The following PASD1 variants were observed in gnomAD, a reference collection of about 807,000 sequenced individuals.
PASD1 encodes PAS domain containing repressor 1.
Under a neutral mutation model 58.8 loss-of-function variants are expected in PASD1, and 13 were observed. The ratio of observed to expected loss-of-function variants is 0.22; its 90% CI spans 0.14 to 0.35. The LOEUF is 0.35. PASD1 is among the 10% of genes least tolerant of loss of function. The pLI is 1.00. For missense variants in PASD1, 734 were observed against 568.3 expected, an observed-to-expected ratio of 1.29 and a Z score of -2.96; for synonymous variants, 236 against 216.7, an observed-to-expected ratio of 1.09 and a Z score of -0.78.
chrX:151,660,716 A>G (rs1034732496), intron 10 of PASD1, among the ~76,000 whole-genome samples: 15 of 112,818 alleles, frequency 1.3e-4, no homozygotes, highest in Non-Finnish European at 9.4e-5. Flanking sequence ...AACCTTCCAC[A>G]GATGACTGTT....
chrX:151,653,342 C>G (rs1374779809), intron 9 of PASD1, among the ~76,000 whole-genome samples: 35 of 109,524 alleles, frequency 3.2e-4, no homozygotes, highest in Non-Finnish European at 1.9e-5. Context: ...CAGGCGCATG[C>G]CACCACACCT....
intron 1 of PASD1, among the ~76,000 whole-genome samples, chrX:151,600,666 T>A (rs1396699304): frequency 9.0e-6 from 1 of 110,870 alleles, no homozygotes; most frequent in Non-Finnish European, 1.9e-5. Context: ...TGGGTTATTT[T>A]TTATCCAATT....
intron 8 of PASD1, among the ~76,000 whole-genome samples, chrX:151,626,064 A>G (rs1362844957): frequency 8.9e-6 from 1 of 112,321 alleles, no homozygotes; most frequent in Non-Finnish European, 1.9e-5. Flanking sequence ...TTTATTTTTT[A>G]TTTTTTAAAA....
At chrX:151,641,424 C>T (rs1046194106) in intron 8 of PASD1, among the ~76,000 whole-genome samples, 1 of 111,843 alleles carries the variant, frequency 8.9e-6, no homozygotes. Context: ...AGAAACTCAA[C>T]ATTTTGTTTT....
rs1381733186 is a variant in PASD1, at chrX:151,672,504, C to T, written c.1759C>T (p.Leu587=). 3.3e-6 allele frequency: 4 copies of T among 1,210,047 alleles called. No homozygotes were observed. In the African/African-American group the frequency reaches 5.3e-5, roughly 16 times the overall value. ...GGGGAATGAGAGGGTGCAGATATGC[C>T]TGCAAAACCCACGTGACGTATCTGT... ...IVGNERVQIC[L]QNPRDVSVPL... is the part of the protein sequence containing the mutation. The change falls in exon 14 of 16, where the codon CTG becomes TTG. Residue 587 remains leucine, a synonymous_variant. Transcript: ENST00000370357.
intron 1 of PASD1, among the ~76,000 whole-genome samples, chrX:151,591,650 G>C (rs1430797891): frequency 9.0e-6 from 1 of 111,536 alleles, no homozygotes; most frequent in Non-Finnish European, 1.9e-5. Context: ...TGAATCTGTT[G>C]TTTTAGAATG....
At chrX:151,648,534 C>T in intron 8 of PASD1, 81 bp from the exon 9 acceptor site, 1 of 907,449 alleles carries the variant, frequency 1.1e-6, no homozygotes. Flanking sequence ...TTTATTTGAA[C>T]CTTTTTATTG....
chrX:151,607,559 C>T (rs1283796173), intron 3 of PASD1, among the ~76,000 whole-genome samples: 1 of 111,882 alleles, frequency 8.9e-6, no homozygotes, highest in East Asian at 2.8e-4. Flanking sequence ...TTCACAAGAA[C>T]ACACAGCGGG....
At chrX:151,633,752 A>G (rs2013896286) in intron 8 of PASD1, among the ~76,000 whole-genome samples, 1 of 112,096 alleles carries the variant, frequency 8.9e-6, no homozygotes, top group South Asian at 3.7e-4. Flanking sequence ...TGTACTAAAG[A>G]CTTATTGAAG....
intron 1 of PASD1, among the ~76,000 whole-genome samples, chrX:151,578,942 C>A (rs1396676908): frequency 8.9e-6 from 1 of 111,801 alleles, no homozygotes; most frequent in Admixed American, 9.5e-5. Context: ...TTTTCAGGAT[C>A]ATCTGTTGGG....
At chrX:151,667,365 T>C (rs1397994366) in intron 11 of PASD1, among the ~76,000 whole-genome samples, 2 of 111,699 alleles carry the variant, frequency 1.8e-5, no homozygotes, top group Non-Finnish European at 3.8e-5. Flanking sequence ...TCTTTTGCTG[T>C]GCAGAAGCTC....
intron 3 of PASD1, among the ~76,000 whole-genome samples, chrX:151,607,005 G>C (rs761552378): frequency 8.1e-5 from 9 of 111,096 alleles, no homozygotes; most frequent in Admixed American, 3.8e-4. Context: ...AAATAGTACA[G>C]GTGACACCGA....
intron 11 of PASD1, among the ~76,000 whole-genome samples, chrX:151,669,208 ACATAGTTT>A (rs2014430980): frequency 9.3e-6 from 1 of 107,006 alleles, no homozygotes; most frequent in African/African-American, 3.4e-5. Flanking sequence ...TATATAGTAT[ACATAGTTT>A]AGTGCCAATT....
Position 151,664,122 on chromosome X carries a change from T to C in PASD1, c.845T>C (p.Leu282Ser). 1 of 1,211,865 alleles carries C rather than the reference T, an allele frequency of 8.3e-7. No individual in the cohort carries two copies. The change falls in exon 11 of 16, where the codon TTA becomes TCA. Residue 282 changes from leucine to serine, a missense_variant. Physicochemically the swap from Leu to Ser is moderately radical, Grantham distance 145 (BLOSUM62 -2). Coordinates refer to ENST00000370357, the MANE Select transcript of PASD1 (RefSeq NM_173493.3). ...TCCCCTGTGCTTTCTTCCTCAGCCT[T>C]ATCCTTGCAAGACTTTCGAGGTGAG... ...FLDTMPESPALSLQDFRGEPE... is the reference protein window; with the variant it reads ...FLDTMPESPASSLQDFRGEPE...
At chrX:151,565,095 G>GT (rs1015456538) in intron 1 of PASD1, among the ~76,000 whole-genome samples, 2 of 111,958 alleles carry the variant, frequency 1.8e-5, no homozygotes, top group African/African-American at 6.5e-5. Context: ...AGGCATCCTG[G>GT]TTTTTTTGAG....
At chrX:151,623,398 T>C (rs1314927696) in intron 7 of PASD1, among the ~76,000 whole-genome samples, 1 of 111,314 alleles carries the variant, frequency 9.0e-6, no homozygotes, top group East Asian at 2.8e-4. Context: ...AGGCTTCTTA[T>C]ACTACGTGAG....
At position 151,671,791 on chromosome X, in the gene PASD1, C is replaced by T; in HGVS notation, c.1437+12C>T. On this transcript the variant is annotated intron_variant, in intron 13 of 15. Coordinates refer to ENST00000370357, the MANE Select transcript of PASD1 (RefSeq NM_173493.3). ...TTGCCTTCAACCAGGTATGGAAAGG[C>T]TGTTTTAACTGTGTATCTGAAAGGG... 8.4e-7 allele frequency: 1 copy of T among 1,185,394 alleles called. No individual in the cohort carries two copies. Among genetic ancestry groups the T allele is most frequent in the Non-Finnish European group, 1.1e-6 (1 of 871,959 alleles).
At chrX:151,604,807 T>A (rs1401316093) in intron 3 of PASD1, 73 bp downstream of exon 3, 1 of 859,285 alleles carries the variant, frequency 1.2e-6, no homozygotes, top group East Asian at 3.3e-5. Context: ...ATAGTGTTTG[T>A]CAAAGTGTGA....
intron 1 of PASD1, among the ~76,000 whole-genome samples, chrX:151,589,089 G>A (rs1381723352): frequency 1.8e-5 from 2 of 111,482 alleles, no homozygotes; most frequent in African/African-American, 3.3e-5. Context: ...AGAAACACTC[G>A]GAGCAAGGAC....
Sources: gnomAD v4.1 joint callset for allele counts (sites outside exome capture counted in the v4.1 genomes callset) on GRCh38, gnomAD v4.1.1 for gene constraint, MANE v1.5 for transcripts, NCBI Gene and HGNC (gene_info 2026-07-23, HGNC 2026-07-21) for gene names.